Variants in ZNF415 observed in about 807,000 individuals in gnomAD.
ZNF415 encodes zinc finger protein 415.
A neutral mutation model predicts 7.3 loss-of-function variants in ZNF415; 5 were observed. That is an observed-to-expected ratio of 0.69 (90% CI 0.36 to 1.44). ZNF415 has a LOEUF of 1.44. ZNF415 is among the 40% of genes most tolerant of loss of function. ZNF415 has a pLI of 0.04. For missense variants in ZNF415, 628 were observed against 664.8 expected (o/e 0.94, Z 0.61); for synonymous variants, 207 against 226.3 (o/e 0.91, Z 0.77).
chr19:53,114,783 A>G lies in ZNF415; in HGVS notation c.136+1530T>C, dbSNP rs75111472. Among the ~76,000 whole-genome samples, 285 of 152,322 alleles carry G rather than the reference A, an allele frequency of 1.9e-3. 2 individuals are homozygous for G. The highest frequency in any genetic ancestry group is 6.5e-3 in the African/African-American group (271 of 41,586). On this transcript the variant is annotated intron_variant, in intron 3 of 3. Transcript: ENST00000243643. ...GAACCAACTCCCTCCCCTGGTCCAC[A>G]CACCCACGAACTGTGGCAAAAGCAG...
Position 53,116,435 on chromosome 19 carries a change from T to G in ZNF415, c.16-2A>C. On this transcript the variant is annotated splice_acceptor_variant, in intron 2 of 3. Coordinates refer to ENST00000243643, the MANE Select transcript of ZNF415 (RefSeq NM_018355.4). LOFTEE classifies it high-confidence loss of function. Reference sequence around the variant, plus strand: ...GATGGCCACGTCCCTGAATGTCAACTGTCCGTAAAATAATAAACACATTTC... The same window carrying G: ...GATGGCCACGTCCCTGAATGTCAACGGTCCGTAAAATAATAAACACATTTC... 6.2e-7 allele frequency: 1 copy of G among 1,614,130 alleles called. No individual in the cohort carries two copies. The highest frequency in any genetic ancestry group is 8.5e-7 in the Non-Finnish European group (1 of 1,180,026).
rs374978604 is a variant in ZNF415, at chr19:53,121,718, G to A, written c.15+944C>T. On this transcript the variant is annotated intron_variant, in intron 2 of 3. Coordinates refer to ENST00000243643, the MANE Select transcript of ZNF415 (RefSeq NM_018355.4). ...ATTATAGGCCTGAGCCACCGTGCTC[G>A]GCCTTACAGTTACACTTTTATGTTG... Among the ~76,000 whole-genome samples the A allele has an allele frequency of 9.2e-5, 14 of 152,060 alleles. 1 individual carries two copies. In the East Asian group the frequency reaches 1.8e-3, roughly 19 times the overall value.
chr19:53,131,285 G>C (rs1331185671), intron 1 of ZNF415, among the ~76,000 whole-genome samples: 1 of 151,890 alleles, frequency 6.6e-6, no homozygotes, highest in Non-Finnish European at 1.5e-5. Context: ...CAACGCCAGG[G>C]AAGGGGAAGA....
intron 2 of ZNF415, among the ~76,000 whole-genome samples, chr19:53,117,853 A>G (rs960774930): frequency 7.2e-5 from 11 of 152,206 alleles, no homozygotes; most frequent in Non-Finnish European, 1.3e-4. Context: ...AAATGTTACT[A>G]TTATAGAAAA....
At chr19:53,129,728 G>T in intron 1 of ZNF415, 1 of 398,034 alleles carries the variant, frequency 2.5e-6, no homozygotes. Flanking sequence ...CGACCTGGAA[G>T]GGCCAATGGG....
intron 1 of ZNF415, chr19:53,123,622 G>A: frequency 2.5e-6 from 1 of 398,912 alleles, no homozygotes; most frequent in Non-Finnish European, 4.4e-6. Context: ...AGGGAGCGAG[G>A]AGGACACAGG....
At chr19:53,120,911 C>T (rs1453097240) in intron 2 of ZNF415, among the ~76,000 whole-genome samples, 1 of 151,346 alleles carries the variant, frequency 6.6e-6, no homozygotes, top group East Asian at 1.9e-4. Context: ...CGGTGAAACC[C>T]CGTCTCTACT....
At chr19:53,115,696 G>A (rs938837221) in intron 3 of ZNF415, 30 of 1,545,992 alleles carry the variant, frequency 1.9e-5, no homozygotes, top group Non-Finnish European at 2.5e-5. Flanking sequence ...CCTCATCTGA[G>A]GTCTTACCTG....
At position 53,122,696 on chromosome 19, in the gene ZNF415, C is replaced by T; in HGVS notation, c.-20G>A. ...AGCCATTCCTGACTCCTTTGCTCTCCTCTTCTGGGTTTCTTCCTCATGTGC... is the reference window on the plus strand; with the variant it reads ...AGCCATTCCTGACTCCTTTGCTCTCTTCTTCTGGGTTTCTTCCTCATGTGC... On this transcript the variant is annotated 5_prime_UTR_variant, in exon 2 of 4. Transcript: ENST00000243643. 1 of 1,614,130 alleles carries T rather than the reference C, an allele frequency of 6.2e-7. No individual in the cohort carries two copies. Among genetic ancestry groups the T allele is most frequent in the Non-Finnish European group, 8.5e-7 (1 of 1,180,000 alleles).
At chr19:53,124,657 C>T (rs2088730986) in intron 1 of ZNF415, among the ~76,000 whole-genome samples, 1 of 152,124 alleles carries the variant, frequency 6.6e-6, no homozygotes, top group South Asian at 2.1e-4. Context: ...GGGTTAGTAG[C>T]AGCCAGGAGC....
At chr19:53,120,180 T>C (rs142417277) in intron 2 of ZNF415, among the ~76,000 whole-genome samples, 174 of 152,162 alleles carry the variant, frequency 1.1e-3, no homozygotes, top group Non-Finnish European at 1.9e-3. Flanking sequence ...CACATAAAAA[T>C]GATAAATACT....
rs1432715348 is a variant in ZNF415 at position 53,109,886 on chromosome 19, G to A, written c.159C>T (p.Ile53=). 2 of 1,594,004 alleles carry A rather than the reference G, an allele frequency of 1.3e-6. No homozygotes were observed. ...CTTCCTGTTGTGGTGCTAGTTCCTT[G>A]ATTACACAGTTACGAGACAGATCTA... ...VSLDLSRNCV[I]KELAPQQEGN... The change falls in exon 4 of 4, where the codon ATC becomes ATT. Residue 53 remains isoleucine (I), a synonymous_variant. Transcript: ENST00000243643.
chr19:53,112,622 G>A (rs1319497584), intron 3 of ZNF415, among the ~76,000 whole-genome samples: 1 of 152,118 alleles, frequency 6.6e-6, no homozygotes, highest in African/African-American at 2.4e-5. Flanking sequence ...GGGGTTTTCA[G>A]GAATACAAAA....
At chr19:53,119,444 CAAAAAAA>C (rs34688086) in intron 2 of ZNF415, among the ~76,000 whole-genome samples, 22 of 35,094 alleles carry the variant, frequency 6.3e-4, no homozygotes, top group Non-Finnish European at 1.1e-3. Context: ...GACTCCATCT[CAAAAAAA>C]AAAAAAAAAA....
At chr19:53,115,704 C>T in intron 3 of ZNF415, 1 of 1,549,792 alleles carries the variant, frequency 6.5e-7, no homozygotes. Flanking sequence ...GAGGTCTTAC[C>T]TGTTTTCACA....
At chr19:53,124,725 G>A (rs551411178) in intron 1 of ZNF415, among the ~76,000 whole-genome samples, 1 of 152,242 alleles carries the variant, frequency 6.6e-6, no homozygotes, top group South Asian at 2.1e-4. Context: ...GAGACAGGTG[G>A]GTGGGTAAGT....
chr19:53,120,147 T>A (rs187710375), intron 2 of ZNF415, among the ~76,000 whole-genome samples: 1 of 152,022 alleles, frequency 6.6e-6, no homozygotes, highest in Non-Finnish European at 1.5e-5. Context: ...ACTAGCAAAT[T>A]GAATATTTTG....
intron 1 of ZNF415, among the ~76,000 whole-genome samples, chr19:53,127,175 G>A (rs960051317): frequency 1.2e-4 from 18 of 148,216 alleles, no homozygotes; most frequent in Non-Finnish European, 2.2e-4. Context: ...ACCCACAGAC[G>A]CCCCCACAAC....
intron 1 of ZNF415, among the ~76,000 whole-genome samples, chr19:53,124,505 C>T (rs1020879132): frequency 2.0e-5 from 3 of 152,168 alleles, no homozygotes; most frequent in African/African-American, 4.8e-5. Context: ...AAGAGATCTG[C>T]TCCCATGACA....
Sources: gnomAD v4.1 joint callset for allele counts (sites outside exome capture counted in the v4.1 genomes callset) on GRCh38, gnomAD v4.1.1 for gene constraint, MANE v1.5 for transcripts, NCBI Gene and HGNC (gene_info 2026-07-23, HGNC 2026-07-21) for gene names.